The following RAPGEF6 variants were observed in gnomAD, a reference collection of about 807,000 sequenced individuals.
The protein encoded by RAPGEF6 is Rap guanine nucleotide exchange factor 6, also known as PDZ domain containing guanine nucleotide exchange factor (GEF) 2.
RAPGEF6 carries 56 observed loss-of-function variants against 171.4 expected under a neutral mutation model. That is an observed-to-expected ratio of 0.33 (90% CI 0.26 to 0.41). The LOEUF (loss-of-function observed/expected upper bound fraction) is 0.41, where lower values mean the gene tolerates loss of function less well. RAPGEF6 is among the 10% of genes least tolerant of loss of function. The probability of loss-of-function intolerance (pLI) is 1.00; values close to 1 mark genes in which losing one functional copy is unlikely to be tolerated. For missense variants in RAPGEF6, 1,674 were observed against 1,921.4 expected (o/e 0.87, Z 2.41); for synonymous variants, 692 against 650.1 (o/e 1.06, Z -0.98).
chr5:131,573,483 T>G (rs1762429002), intron 4 of RAPGEF6, among the ~76,000 whole-genome samples: 1 of 152,008 alleles, frequency 6.6e-6, no homozygotes, highest in African/African-American at 2.4e-5. Flanking sequence ...TCACTCCATT[T>G]AAATGGAGAG....
intron 6 of RAPGEF6, among the ~76,000 whole-genome samples, chr5:131,534,482 A>C (rs1393568117): frequency 1.3e-5 from 2 of 152,092 alleles, no homozygotes; most frequent in African/African-American, 4.8e-5. Context: ...AAGACACAAT[A>C]CCAAAATACA....
intron 23 of RAPGEF6, among the ~76,000 whole-genome samples, chr5:131,440,789 T>C (rs1174481116): frequency 6.8e-6 from 1 of 147,060 alleles, no homozygotes; most frequent in Non-Finnish European, 1.5e-5. Context: ...ATAGTATAAG[T>C]AATGCTTCCT....
At chr5:131,567,832 C>G (rs1477329467) in intron 4 of RAPGEF6, among the ~76,000 whole-genome samples, 8 of 152,192 alleles carry the variant, frequency 5.3e-5, no homozygotes, top group Non-Finnish European at 8.8e-5. Flanking sequence ...TCCTACTAAT[C>G]CTTTCAATTC....
At chr5:131,493,354 G>A (rs552951867) in intron 13 of RAPGEF6, among the ~76,000 whole-genome samples, 51 of 152,110 alleles carry the variant, frequency 3.4e-4, no homozygotes, top group Non-Finnish European at 6.5e-4. Context: ...ATGAGCCACC[G>A]CGCCCGACCT....
rs185848985 is a variant in RAPGEF6 at position 131,488,128 on chromosome 5, C to T, written c.1840+1418G>A. Among the ~76,000 whole-genome samples the T allele has an allele frequency of 2.0e-3, 297 of 152,196 alleles. 1 individual carries two copies. Among genetic ancestry groups the T allele is most frequent in the Middle Eastern group, 3.4e-3 (1 of 294 alleles). On this transcript the variant is annotated intron_variant, in intron 15 of 27. Transcript: ENST00000509018. ...TTTGCAGCTCCATGTAACTTCTACC[C>T]TCTGCTATATCCAACCTAGGGTTCT...
intron 5 of RAPGEF6, among the ~76,000 whole-genome samples, chr5:131,557,449 A>G (rs191991550): frequency 4.5e-4 from 68 of 152,328 alleles, no homozygotes; most frequent in South Asian, 1.4e-3. Context: ...TTGAAATGAC[A>G]TAAATTTCAA....
intron 16 of RAPGEF6, among the ~76,000 whole-genome samples, chr5:131,473,950 T>C (rs1019200065): frequency 6.6e-6 from 1 of 152,106 alleles, no homozygotes; most frequent in Non-Finnish European, 1.5e-5. Flanking sequence ...AAGATTAGTG[T>C]TTCAAGGGCA....
chr5:131,510,203 T>G, intron 8 of RAPGEF6, 111 bp downstream of exon 8: 1 of 1,162,852 alleles, frequency 8.6e-7, no homozygotes. Flanking sequence ...TCTAAGATAA[T>G]GGCTTAACAC....
intron 4 of RAPGEF6, among the ~76,000 whole-genome samples, chr5:131,591,743 C>T (rs1295915411): frequency 1.3e-5 from 2 of 152,172 alleles, no homozygotes; most frequent in Non-Finnish European, 2.9e-5. Context: ...GAATTTTAAT[C>T]TAGTTGATTT....
chr5:131,588,855 T>C (rs2149999681), intron 4 of RAPGEF6, among the ~76,000 whole-genome samples: 1 of 152,132 alleles, frequency 6.6e-6, no homozygotes, highest in Non-Finnish European at 1.5e-5. Context: ...GGCAGATCAC[T>C]TGAGGTCAAG....
intron 18 of RAPGEF6, among the ~76,000 whole-genome samples, chr5:131,462,517 G>C (rs1754006480): frequency 6.6e-6 from 1 of 152,188 alleles, no homozygotes; most frequent in Non-Finnish European, 1.5e-5. Flanking sequence ...CTATTCAGAA[G>C]TTACTCCACT....
At chr5:131,500,043 C>T (rs1036379088) in intron 11 of RAPGEF6, among the ~76,000 whole-genome samples, 10 of 152,084 alleles carry the variant, frequency 6.6e-5, no homozygotes, top group African/African-American at 2.4e-4. Flanking sequence ...CAATTACAGG[C>T]ATGCACCACT....
At chr5:131,541,978 A>ATAG in intron 6 of RAPGEF6, among the ~76,000 whole-genome samples, 1 of 151,450 alleles carries the variant, frequency 6.6e-6, no homozygotes, top group East Asian at 1.9e-4. Flanking sequence ...TACACATTCT[A>ATAG]TAAAGTGACT....
At chr5:131,546,535 C>T (rs1760547304) in intron 6 of RAPGEF6, among the ~76,000 whole-genome samples, 1 of 151,360 alleles carries the variant, frequency 6.6e-6, no homozygotes, top group Non-Finnish European at 1.5e-5. Flanking sequence ...ACCCAGGAGG[C>T]AGAGGTTGCA....
intron 1 of RAPGEF6, among the ~76,000 whole-genome samples, chr5:131,606,366 A>G (rs1056292018): frequency 5.6e-3 from 46 of 8,272 alleles, no homozygotes; most frequent in South Asian, 0.019. Flanking sequence ...TCTCAAGGGA[A>G]AAAAAAAAAA....
chr5:131,463,016 C>T (rs1413035746), intron 18 of RAPGEF6, among the ~76,000 whole-genome samples: 6 of 152,102 alleles, frequency 3.9e-5, no homozygotes, highest in Non-Finnish European at 7.3e-5. Context: ...TTACAACATT[C>T]CCATGAGGTA....
At chr5:131,526,647 T>TGCC (rs1336310522) in intron 6 of RAPGEF6, among the ~76,000 whole-genome samples, 5 of 152,184 alleles carry the variant, frequency 3.3e-5, no homozygotes, top group Admixed American at 6.5e-5. Context: ...TCAGCTTACC[T>TGCC]GCCCTTTCTC....
chr5:131,447,285 C>T (rs1449420133), intron 21 of RAPGEF6: 1 of 152,910 alleles, frequency 6.5e-6, no homozygotes, highest in East Asian at 1.9e-4. Flanking sequence ...CATTTATATG[C>T]AATTCAATAC....
At chr5:131,558,946 T>C (rs1344478068) in intron 5 of RAPGEF6, among the ~76,000 whole-genome samples, 1 of 152,206 alleles carries the variant, frequency 6.6e-6, no homozygotes, top group East Asian at 1.9e-4. Flanking sequence ...TTATGTCTCT[T>C]AGGTAAAATG....
Sources: allele counts gnomAD v4.1 joint callset (sites outside exome capture counted in the v4.1 genomes callset), GRCh38; gene constraint gnomAD v4.1.1; transcripts MANE v1.5; gene names NCBI Gene and HGNC (gene_info 2026-07-23, HGNC 2026-07-21).